Variants in MARCHF1 observed in about 807,000 individuals in gnomAD.
MARCHF1 encodes membrane associated ring-CH-type finger 1, also known as E3 ubiquitin-protein ligase MARCHF1.
Under a neutral mutation model 54.2 loss-of-function variants are expected in MARCHF1, and 40 were observed. The ratio of observed to expected loss-of-function variants is 0.74; its 90% CI spans 0.57 to 0.96. The LOEUF is 0.96. Among genes scored for constraint, MARCHF1 ranks in the 40% least tolerant of loss-of-function variants. MARCHF1 has a pLI of 0.00. For missense variants in MARCHF1, 586 were observed against 656.5 expected (o/e 0.89, Z 1.17); for synonymous variants, 236 against 236.3 (o/e 1.00, Z 0.01).
chr4:164,306,505 C>T (rs1734697699), intron 1 of MARCHF1, among the ~76,000 whole-genome samples: 1 of 152,118 alleles, frequency 6.6e-6, no homozygotes, highest in Non-Finnish European at 1.5e-5. Context: ...TTTTTCCTCA[C>T]TGCAGTAAAA....
chr4:164,315,517 G>A (rs1734973568), intron 1 of MARCHF1, among the ~76,000 whole-genome samples: 1 of 152,182 alleles, frequency 6.6e-6, no homozygotes, highest in African/African-American at 2.4e-5. Flanking sequence ...GGAGGTAGAT[G>A]TACCCCGTAT....
At chr4:164,365,175 C>T (rs954244265) in intron 1 of MARCHF1, among the ~76,000 whole-genome samples, 4 of 151,832 alleles carry the variant, frequency 2.6e-5, no homozygotes, top group South Asian at 2.1e-4. Flanking sequence ...AATAAATGCA[C>T]CTTTAAAAAA....
At chr4:164,333,775 T>C (rs1401052860) in intron 1 of MARCHF1, among the ~76,000 whole-genome samples, 1 of 152,216 alleles carries the variant, frequency 6.6e-6, no homozygotes, top group Non-Finnish European at 1.5e-5. Flanking sequence ...GAAAGGCATG[T>C]TGAAAGCCAA....
intron 7 of MARCHF1, among the ~76,000 whole-genome samples, chr4:163,600,342 T>C (rs1740923322): frequency 6.6e-6 from 1 of 152,174 alleles, no homozygotes; most frequent in Admixed American, 6.5e-5. Context: ...CTTCTAATAA[T>C]GTACCCATGC....
At chr4:163,875,564 A>G (rs1750270277) in intron 3 of MARCHF1, among the ~76,000 whole-genome samples, 1 of 152,184 alleles carries the variant, frequency 6.6e-6, no homozygotes, top group South Asian at 2.1e-4. Context: ...ACAGAATGGA[A>G]AGCGGTCTCA....
chr4:164,333,321 CTGT>C (rs1302342662), intron 1 of MARCHF1, among the ~76,000 whole-genome samples: 6 of 152,090 alleles, frequency 3.9e-5, no homozygotes, highest in African/African-American at 9.7e-5. Context: ...TTTACAGAAA[CTGT>C]TTTTTACAGA....
At chr4:163,793,460 T>A (rs565584547) in intron 4 of MARCHF1, among the ~76,000 whole-genome samples, 2 of 152,158 alleles carry the variant, frequency 1.3e-5, no homozygotes, top group Non-Finnish European at 2.9e-5. Flanking sequence ...GAAACACTAA[T>A]CAGGATATTT....
At chr4:163,814,901 CTT>C (rs1748491942) in intron 4 of MARCHF1, among the ~76,000 whole-genome samples, 1 of 152,084 alleles carries the variant, frequency 6.6e-6, no homozygotes, top group African/African-American at 2.4e-5. Context: ...GTCAGTACCT[CTT>C]TTTAGAATAT....
chr4:163,834,878 A>C (rs1003494215), intron 4 of MARCHF1, among the ~76,000 whole-genome samples: 1 of 151,538 alleles, frequency 6.6e-6, no homozygotes, highest in African/African-American at 2.4e-5. Context: ...TATTTATTTA[A>C]TCTTCTTGTT....
At chr4:163,955,368 G>GA (rs1290926415) in intron 3 of MARCHF1, among the ~76,000 whole-genome samples, 4 of 115,048 alleles carry the variant, frequency 3.5e-5, no homozygotes, top group Admixed American at 8.6e-5. Flanking sequence ...CAAAAACAAA[G>GA]CAAAAAAAAA....
intron 2 of MARCHF1, among the ~76,000 whole-genome samples, chr4:164,078,411 A>G (rs1156833678): frequency 6.6e-6 from 1 of 152,124 alleles, no homozygotes; most frequent in Admixed American, 6.5e-5. Flanking sequence ...TAGCATTAGG[A>G]GAAATACCTA....
intron 1 of MARCHF1, among the ~76,000 whole-genome samples, chr4:164,224,243 T>C (rs1392512811): frequency 2.3e-3 from 2 of 860 alleles, no homozygotes; most frequent in Non-Finnish European, 4.7e-3. Flanking sequence ...ATATTATGAG[T>C]TTTTTTTTTT....
chr4:164,091,725 T>C (rs1755306020), intron 2 of MARCHF1, among the ~76,000 whole-genome samples: 1 of 151,474 alleles, frequency 6.6e-6, no homozygotes, highest in South Asian at 2.1e-4. Flanking sequence ...TTAGAAATGT[T>C]GTATTGTGAC....
chr4:163,900,351 T>TAAAAA (rs35805253), intron 3 of MARCHF1, among the ~76,000 whole-genome samples: 24 of 150,602 alleles, frequency 1.6e-4, no homozygotes, highest in Admixed American at 4.0e-4. Flanking sequence ...TTTTTTTTTT[T>TAAAAA]AAAAAAACTC....
At chr4:164,304,728 T>G (rs1210042510) in intron 1 of MARCHF1, among the ~76,000 whole-genome samples, 1 of 152,176 alleles carries the variant, frequency 6.6e-6, no homozygotes, top group African/African-American at 2.4e-5. Context: ...AACTTAAATA[T>G]CTACATGAAA....
chr4:164,011,125 G>C (rs1468964199), intron 2 of MARCHF1, among the ~76,000 whole-genome samples: 4 of 151,990 alleles, frequency 2.6e-5, no homozygotes, highest in Non-Finnish European at 5.9e-5. Flanking sequence ...AAAAATGGAT[G>C]GAAGATTTAA....
intron 4 of MARCHF1, among the ~76,000 whole-genome samples, chr4:163,728,104 C>T (rs1745717433): frequency 6.6e-6 from 1 of 152,086 alleles, no homozygotes; most frequent in African/African-American, 2.4e-5. Context: ...CAATACCACA[C>T]TGTAGCTGGG....
intron 4 of MARCHF1, among the ~76,000 whole-genome samples, chr4:163,703,078 T>C (rs1744853594): frequency 6.6e-6 from 1 of 152,148 alleles, no homozygotes; most frequent in African/African-American, 2.4e-5. Flanking sequence ...AGATAATATC[T>C]TGGAAATCTG....
At chr4:163,571,707 G>C (rs2110756755) in intron 8 of MARCHF1, among the ~76,000 whole-genome samples, 1 of 152,142 alleles carries the variant, frequency 6.6e-6, no homozygotes, top group East Asian at 1.9e-4. Flanking sequence ...ATATTTCTTA[G>C]GTTAACTAAA....
Sources: gnomAD v4.1 joint callset for allele counts (sites outside exome capture counted in the v4.1 genomes callset) on GRCh38, gnomAD v4.1.1 for gene constraint, MANE v1.5 for transcripts, NCBI Gene and HGNC (gene_info 2026-07-23, HGNC 2026-07-21) for gene names.